The following LRRTM4 variants were observed in gnomAD, a reference collection of about 807,000 sequenced individuals.
LRRTM4 encodes leucine-rich repeat transmembrane neuronal protein 4.
Under a neutral mutation model 47.6 loss-of-function variants are expected in LRRTM4, and 25 were observed. That is an observed-to-expected ratio of 0.53 (90% CI 0.38 to 0.73). The LOEUF is 0.73. Among genes scored for constraint, LRRTM4 ranks in the 30% least tolerant of loss-of-function variants. The pLI, the probability that LRRTM4 is intolerant of heterozygous loss-of-function variation, is 0.00. For synonymous variants in LRRTM4, 311 were observed against 269.5 expected, an observed-to-expected ratio of 1.15 and a Z score of -1.51; for missense variants, 638 against 713.4, an observed-to-expected ratio of 0.89 and a Z score of 1.20.
chr2:76,890,941 G>T (rs1336062780), intron 3 of LRRTM4, among the ~76,000 whole-genome samples: 1 of 151,878 alleles, frequency 6.6e-6, no homozygotes, highest in Non-Finnish European at 1.5e-5. Flanking sequence ...CCCAGAAAGA[G>T]AGAAGCACAG....
chr2:77,128,785 G>A (rs1417516252), intron 3 of LRRTM4, among the ~76,000 whole-genome samples: 6 of 151,766 alleles, frequency 4.0e-5, no homozygotes, highest in African/African-American at 9.7e-5. Context: ...GATTACAGGC[G>A]CCCACCACCA....
At chr2:77,423,679 GCA>G (rs1457169510) in intron 3 of LRRTM4, among the ~76,000 whole-genome samples, 1 of 152,188 alleles carries the variant, frequency 6.6e-6, no homozygotes, top group African/African-American at 2.4e-5. Context: ...ATCTTTCTAT[GCA>G]GATAGGCGGC....
chr2:77,458,898 G>A (rs1320959866), intron 3 of LRRTM4, among the ~76,000 whole-genome samples: 1 of 151,790 alleles, frequency 6.6e-6, no homozygotes, highest in Non-Finnish European at 1.5e-5. Flanking sequence ...ACGTACACAT[G>A]CAACTGATGG....
intron 3 of LRRTM4, among the ~76,000 whole-genome samples, chr2:77,063,023 C>T (rs1360657888): frequency 3.4e-5 from 5 of 149,090 alleles, no homozygotes; most frequent in Admixed American, 2.0e-4. Flanking sequence ...GGCACGATCT[C>T]GGCTCACTGC....
intron 3 of LRRTM4, among the ~76,000 whole-genome samples, chr2:76,770,297 C>T (rs1015036185): frequency 2.6e-5 from 4 of 152,158 alleles, no homozygotes; most frequent in Admixed American, 2.6e-4. Context: ...ATATTAGCTC[C>T]TTCGGTAAAC....
chr2:77,368,205 G>A (rs1479758341), intron 3 of LRRTM4, among the ~76,000 whole-genome samples: 1 of 151,472 alleles, frequency 6.6e-6, no homozygotes, highest in African/African-American at 2.4e-5. Context: ...CTAGCTAGAA[G>A]AACCCACCTT....
chr2:77,146,129 C>T (rs1294097085), intron 3 of LRRTM4, among the ~76,000 whole-genome samples: 1 of 152,056 alleles, frequency 6.6e-6, no homozygotes, highest in African/African-American at 2.4e-5. Flanking sequence ...TTCTCTTAAA[C>T]CCAACTTTTA....
intron 3 of LRRTM4, among the ~76,000 whole-genome samples, chr2:76,959,235 A>G (rs62170343): frequency 0.27 from 41,144 of 151,474 alleles, 6,179 homozygotes; most frequent in East Asian, 0.58. Context: ...TTTTAAAACT[A>G]TATTATGTTT....
At chr2:76,957,835 G>A (rs1675724523) in intron 3 of LRRTM4, among the ~76,000 whole-genome samples, 1 of 151,616 alleles carries the variant, frequency 6.6e-6, no homozygotes, top group African/African-American at 2.4e-5. Flanking sequence ...CAAAACATAT[G>A]TGCTTATGAT....
intron 3 of LRRTM4, among the ~76,000 whole-genome samples, chr2:77,017,935 A>G (rs1678127967): frequency 6.6e-6 from 1 of 151,986 alleles, no homozygotes; most frequent in Non-Finnish European, 1.5e-5. Flanking sequence ...ACGAGATAAG[A>G]TGTGAACAAA....
At chr2:77,404,304 G>A (rs1189203885) in intron 3 of LRRTM4, among the ~76,000 whole-genome samples, 4 of 152,010 alleles carry the variant, frequency 2.6e-5, no homozygotes, top group African/African-American at 9.7e-5. Flanking sequence ...ACACTCTTCT[G>A]TTGTCACTAT....
At chr2:77,321,806 C>G (rs1677801283) in intron 3 of LRRTM4, among the ~76,000 whole-genome samples, 1 of 152,002 alleles carries the variant, frequency 6.6e-6, no homozygotes, top group South Asian at 2.1e-4. Flanking sequence ...AAAAATATGG[C>G]AAGGTATTAA....
At chr2:77,360,496 C>T (rs1019880935) in intron 3 of LRRTM4, among the ~76,000 whole-genome samples, 6 of 145,194 alleles carry the variant, frequency 4.1e-5, no homozygotes, top group East Asian at 2.0e-4. Flanking sequence ...CGATACGATA[C>T]GATACGATAC....
chr2:76,777,243 C>G, intron 3 of LRRTM4, among the ~76,000 whole-genome samples: 1 of 149,934 alleles, frequency 6.7e-6, no homozygotes, highest in African/African-American at 2.5e-5. Flanking sequence ...GCCATGCGGG[C>G]TCTTTTTTGG....
chr2:77,509,075 T>G (rs537420955), intron 3 of LRRTM4, among the ~76,000 whole-genome samples: 1 of 151,588 alleles, frequency 6.6e-6, no homozygotes, highest in Non-Finnish European at 1.5e-5. Flanking sequence ...CTACTACAAA[T>G]ACAAAAATTA....
chr2:77,308,346 C>T lies in LRRTM4; in HGVS notation c.1551+209972G>A, dbSNP rs148160302. On this transcript the variant is annotated intron_variant, in intron 3 of 3. Transcript: ENST00000409884. The stretch of plus-strand genomic sequence containing the variant: ...TTGTTTTACAATTTAAGTTTCAATA[C>T]TCAGCACCATTCCATCTTGTCATGA... 1.2e-3 allele frequency among the ~76,000 whole-genome samples: 183 copies of T among 151,934 alleles called. 1 individual carries two copies. The highest frequency in any genetic ancestry group is 4.2e-3 in the African/African-American group (173 of 41,500).
chr2:77,226,915 G>T (rs892523570), intron 3 of LRRTM4, among the ~76,000 whole-genome samples: 1 of 151,898 alleles, frequency 6.6e-6, no homozygotes, highest in Middle Eastern at 3.2e-3. Context: ...GAACTGAGTC[G>T]CCCAATTCAA....
At chr2:76,798,458 G>C (rs1264054879) in intron 3 of LRRTM4, among the ~76,000 whole-genome samples, 1 of 150,414 alleles carries the variant, frequency 6.6e-6, no homozygotes, top group Non-Finnish European at 1.5e-5. Context: ...GCAGTGTGTA[G>C]AGGGAAATTT....
chr2:76,972,158 G>T (rs1399072661), intron 3 of LRRTM4, among the ~76,000 whole-genome samples: 3 of 151,986 alleles, frequency 2.0e-5, no homozygotes, highest in Admixed American at 2.0e-4. Flanking sequence ...TTAGCGAAAA[G>T]GAGAAACCCA....
Sources: allele counts gnomAD v4.1 joint callset (sites outside exome capture counted in the v4.1 genomes callset), GRCh38; gene constraint gnomAD v4.1.1; transcripts MANE v1.5; gene names NCBI Gene and HGNC (gene_info 2026-07-23, HGNC 2026-07-21).